Variants in NF2 observed in about 807,000 individuals in gnomAD.
The protein encoded by NF2 is NF2, moesin-ezrin-radixin like (MERLIN) tumor suppressor.
Under a neutral mutation model 83.7 loss-of-function variants are expected in NF2, and 8 were observed. The observed-to-expected ratio is 0.10, with a 90% CI of 0.06 to 0.17. The LOEUF is 0.17. Ranked by LOEUF, NF2 falls within the 10% of genes least tolerant of loss-of-function variation. The probability of loss-of-function intolerance (pLI) is 1.00; values close to 1 mark genes in which losing one functional copy is unlikely to be tolerated. For synonymous variants in NF2, 266 were observed against 269.6 expected (o/e 0.99, Z 0.13); for missense variants, 533 against 744.4 (o/e 0.72, Z 3.31).
intron 15 of NF2, among the ~76,000 whole-genome samples, chr22:29,685,163 G>A (rs1324740332): frequency 6.6e-6 from 1 of 151,732 alleles, no homozygotes; most frequent in East Asian, 1.9e-4. Context: ...TGTCACCCAG[G>A]CTGGTACATT....
chr22:29,624,880 CT>C (rs1569272955), intron 1 of NF2, among the ~76,000 whole-genome samples: 1 of 132,544 alleles, frequency 7.5e-6, no homozygotes, highest in Non-Finnish European at 1.6e-5. Context: ...TCTTTCTCTC[CT>C]CTTTCTGTCT....
chr22:29,668,288 T>C, intron 9 of NF2, 45 bp from the exon 10 acceptor site: 1 of 1,463,774 alleles, frequency 6.8e-7, no homozygotes, highest in South Asian at 1.2e-5. Flanking sequence ...GGCAGTGAAG[T>C]AAATTTGTGG....
chr22:29,620,961 T>C (rs1449464586), intron 1 of NF2, among the ~76,000 whole-genome samples: 1 of 152,090 alleles, frequency 6.6e-6, no homozygotes, highest in Non-Finnish European at 1.5e-5. Flanking sequence ...CATCTTTAAG[T>C]GGGGAAACAG....
At chr22:29,625,117 C>T (rs1235849746) in intron 1 of NF2, among the ~76,000 whole-genome samples, 1 of 151,814 alleles carries the variant, frequency 6.6e-6, no homozygotes, top group Admixed American at 6.6e-5. Context: ...TTAGGAGAGA[C>T]GGGGTTTCAC....
chr22:29,645,624 G>A (rs772140321), intron 4 of NF2, among the ~76,000 whole-genome samples: 3 of 152,016 alleles, frequency 2.0e-5, no homozygotes, highest in Non-Finnish European at 4.4e-5. Context: ...GTTCCTTTTC[G>A]CACGCTTTCT....
At chr22:29,615,344 G>A (rs2065056036) in intron 1 of NF2, among the ~76,000 whole-genome samples, 1 of 152,160 alleles carries the variant, frequency 6.6e-6, no homozygotes, top group Non-Finnish European at 1.5e-5. Flanking sequence ...AGACCAAGGT[G>A]GGAGGATCAC....
At chr22:29,615,109 G>A (rs950016542) in intron 1 of NF2, among the ~76,000 whole-genome samples, 5 of 152,060 alleles carry the variant, frequency 3.3e-5, no homozygotes, top group South Asian at 4.1e-4. Flanking sequence ...ACTTGAACTC[G>A]GGAGGTGGAG....
At chr22:29,684,076 A>G (rs1601671956) in intron 15 of NF2, 1 of 287,286 alleles carries the variant, frequency 3.5e-6, no homozygotes, top group Non-Finnish European at 5.5e-6. Context: ...CATAAGATAG[A>G]TCCTACTTGT....
intron 10 of NF2, among the ~76,000 whole-genome samples, chr22:29,669,229 T>C (rs2066713007): frequency 6.6e-6 from 1 of 152,238 alleles, no homozygotes; most frequent in Non-Finnish European, 1.5e-5. Flanking sequence ...CTTTCAGCTC[T>C]CTATCTCTTT....
chr22:29,695,099 G>A lies in NF2; in HGVS notation c.*297G>A, dbSNP rs1569320097. On this transcript the variant is annotated 3_prime_UTR_variant, in exon 16 of 16. Coordinates refer to ENST00000338641, the MANE Select transcript of NF2 (RefSeq NM_000268.4). The surrounding 1 kb of genome is among the most constrained non-coding windows in gnomAD (Gnocchi z 5.4). The stretch of plus-strand genomic sequence containing the variant: ...CCTGACTCCCTTCGTCCAAGGCACC[G>A]GTGTGTGTGTGTCTTGCACTCCAGA... 9.5e-6 allele frequency: 5 copies of A among 527,132 alleles called. No individual in the cohort carries two copies. Among genetic ancestry groups the A allele is most frequent in the East Asian group, 3.2e-5 (1 of 30,770 alleles). The allele number at this position is 527,132 out of a possible 1,614,324, so 32.7% of individuals were successfully genotyped here.
chr22:29,680,045 T>C (rs1238270308), intron 14 of NF2, among the ~76,000 whole-genome samples: 2 of 151,756 alleles, frequency 1.3e-5, no homozygotes, highest in Admixed American at 1.3e-4. Flanking sequence ...CTGGAGTCTC[T>C]TTTATAAGGG....
intron 1 of NF2, among the ~76,000 whole-genome samples, chr22:29,624,929 CTTTCTTTCTTTCTT>C (rs939032840): frequency 1.4e-5 from 2 of 144,622 alleles, no homozygotes; most frequent in Admixed American, 7.1e-5. Flanking sequence ...CTCTTTCTTT[CTTTCTTTCTTTCTT>C]TTTCTTTCTT....
Position 29,658,176 on chromosome 22 carries a change from G to T in NF2, c.600-13G>T. 1 of 1,613,516 alleles carries T rather than the reference G, an allele frequency of 6.2e-7. No individual in the cohort carries two copies. The highest frequency in any genetic ancestry group is 1.1e-5 in the South Asian group (1 of 91,048). ...CTTAGCTCCAATGACAGTGTCTTCC[G>T]TTCTCCCCACAGGGATGAAGCTGAA... On this transcript the variant is annotated splice_polypyrimidine_tract_variant and intron_variant, in intron 6 of 15. Transcript: ENST00000338641.
At chr22:29,693,356 T>A (rs1341491883) in intron 15 of NF2, among the ~76,000 whole-genome samples, 2 of 152,218 alleles carry the variant, frequency 1.3e-5, no homozygotes, top group Non-Finnish European at 2.9e-5. Flanking sequence ...CCTCCCCACA[T>A]TCCGCTTGTT....
At position 29,681,549 on chromosome 22, in the gene NF2, A is replaced by T. The variant is rs878853926; in HGVS notation, c.1685A>T (p.His562Leu). 1.2e-6 allele frequency: 2 copies of T among 1,614,240 alleles called. No individual in the cohort carries two copies. Among genetic ancestry groups the T allele is most frequent in the Non-Finnish European group, 1.7e-6 (2 of 1,180,040 alleles). The change falls in exon 15 of 16, where the codon CAC (histidine) becomes CTC (leucine). Residue 562 changes from histidine to leucine, a missense_variant. Around this residue, in one of 3 missense-constraint regions of NF2, gnomAD observed 199 missense variants for 240.7 expected, o/e 0.83. Coordinates refer to ENST00000338641, the MANE Select transcript of NF2 (RefSeq NM_000268.4). ...AGGGAGACAGCTCTGGATATTCTGC[A>T]CAATGAGAACTCCGACAGGGGTGGC... ...KERETALDIL[H>L]NENSDRGGSS...
At chr22:29,665,223 A>G (rs2066585781) in intron 9 of NF2, among the ~76,000 whole-genome samples, 159 bp downstream of exon 9, 1 of 148,608 alleles carries the variant, frequency 6.7e-6, no homozygotes, top group Non-Finnish European at 1.5e-5. Flanking sequence ...AAACTAAATT[A>G]TATCATGAAG....
chr22:29,672,086 C>A, intron 11 of NF2, 138 bp downstream of exon 11: 1 of 1,297,648 alleles, frequency 7.7e-7, no homozygotes, highest in Non-Finnish European at 1.1e-6. Context: ...AAATCAGTGC[C>A]TTTTCTTTTC....
intron 15 of NF2, among the ~76,000 whole-genome samples, chr22:29,692,793 A>C (rs2067441986): frequency 1.3e-5 from 2 of 152,208 alleles, no homozygotes; most frequent in South Asian, 4.1e-4. Flanking sequence ...ATTAGCAATA[A>C]CAGCTGCCGA....
intron 1 of NF2, among the ~76,000 whole-genome samples, chr22:29,605,843 C>A (rs981060840): frequency 3.9e-5 from 6 of 152,206 alleles, no homozygotes; most frequent in African/African-American, 1.4e-4. Context: ...CCCCAGCTCC[C>A]AATCAAATGC....
Sources: allele counts gnomAD v4.1 joint callset (sites outside exome capture counted in the v4.1 genomes callset), GRCh38; gene constraint gnomAD v4.1.1; regional missense constraint gnomAD v4.1.1; non-coding constraint Gnocchi (gnomAD v3.1); transcripts MANE v1.5; gene names NCBI Gene and HGNC (gene_info 2026-07-23, HGNC 2026-07-21).